Variants in RASSF3 observed in about 807,000 individuals in gnomAD.
RASSF3 encodes the protein ras association domain-containing protein 3.
Under a neutral mutation model 19.9 loss-of-function variants are expected in RASSF3, and 19 were observed. The observed-to-expected ratio is 0.96, with a 90% CI of 0.67 to 1.40. RASSF3 has a LOEUF of 1.40. RASSF3 is among the 40% of genes most tolerant of loss of function. The pLI is 0.00. For missense variants in RASSF3, 306 were observed against 289.8 expected (o/e 1.06, Z -0.41); for synonymous variants, 110 against 104.2 (o/e 1.06, Z -0.34).
At chr12:64,513,052 G>T (rs1240142529) in intron 1 of RASSF3, among the ~76,000 whole-genome samples, 1 of 152,084 alleles carries the variant, frequency 6.6e-6, no homozygotes, top group Admixed American at 6.6e-5. Flanking sequence ...CTCTCCCGAA[G>T]CAAATTATTC....
intron 2 of RASSF3, among the ~76,000 whole-genome samples, chr12:64,566,211 C>A (rs927136328): frequency 2.6e-5 from 4 of 152,106 alleles, no homozygotes; most frequent in African/African-American, 9.6e-5. Flanking sequence ...AAAAAAAAGT[C>A]TTGCTGACAG....
intron 2 of RASSF3, among the ~76,000 whole-genome samples, chr12:64,601,740 G>A (rs997242644): frequency 6.6e-6 from 1 of 152,096 alleles, no homozygotes; most frequent in Admixed American, 6.6e-5. Flanking sequence ...TTGACCCTGG[G>A]AGGGGGAGGC....
chr12:64,639,513 T>C (rs888991814), intron 1 of RASSF3, among the ~76,000 whole-genome samples: 1 of 152,172 alleles, frequency 6.6e-6, no homozygotes, highest in African/African-American at 2.4e-5. Context: ...TAAACCATCA[T>C]GTCTCAAAGT....
rs79892950 is a variant in RASSF3, at chr12:64,653,556, T to C, written c.112-31231T>C. Among the ~76,000 whole-genome samples the C allele has an allele frequency of 7.2e-5, 11 of 152,116 alleles. No individual in the cohort carries two copies. In the East Asian group the frequency reaches 1.9e-3, roughly 27 times the overall value. On this transcript the variant is annotated intron_variant, in intron 1 of 4. Transcript: ENST00000542104. ...TGATTTTTGGGAGGACACAAATCAATATTCAGCAGTATCTTTTTTTTTTTT... is the reference window on the plus strand; with the variant it reads ...TGATTTTTGGGAGGACACAAATCAACATTCAGCAGTATCTTTTTTTTTTTT...
chr12:64,526,254 C>T (rs572162829), intron 1 of RASSF3, among the ~76,000 whole-genome samples: 14 of 152,174 alleles, frequency 9.2e-5, no homozygotes, highest in East Asian at 5.8e-4. Context: ...GTACTTATTG[C>T]GGAATGGTTA....
intron 2 of RASSF3, among the ~76,000 whole-genome samples, chr12:64,562,555 C>G (rs1039066979): frequency 6.6e-6 from 1 of 152,102 alleles, no homozygotes; most frequent in African/African-American, 2.4e-5. Flanking sequence ...AAATGATGCT[C>G]CTCTGCAGCT....
chr12:64,532,295 T>C (rs1868728134), upstream of RASSF3, among the ~76,000 whole-genome samples: 1 of 152,180 alleles, frequency 6.6e-6, no homozygotes, highest in African/African-American at 2.4e-5. Flanking sequence ...ACTATTATTA[T>C]AGTGGGCCTT....
intron 1 of RASSF3, among the ~76,000 whole-genome samples, chr12:64,519,729 G>A (rs1369524840): frequency 1.3e-5 from 2 of 151,822 alleles, no homozygotes; most frequent in Non-Finnish European, 1.5e-5. Flanking sequence ...TTATGACTAT[G>A]CTTAAAAGAT....
chr12:64,662,658 G>A (rs567565593), intron 1 of RASSF3, among the ~76,000 whole-genome samples: 1 of 152,326 alleles, frequency 6.6e-6, no homozygotes, highest in African/African-American at 2.4e-5. Context: ...CATGGTCTCT[G>A]CGTGTGTATA....
rs535326919 is a variant in RASSF3, at chr12:64,582,737, T to A, written c.294+41032T>A. 2.6e-5 allele frequency among the ~76,000 whole-genome samples: 4 copies of A among 152,288 alleles called. No homozygotes were observed. In the South Asian group the frequency reaches 8.3e-4, roughly 32 times the overall value. On this transcript the variant is annotated intron_variant, in intron 2 of 5. Transcript: ENST00000637125. ...GAACAAGTACCCTGCGGTGTGCTTC[T>A]TAGAGGGAAGAATCAGACCTGGAGT...
chr12:64,655,447 T>A (rs760992440), intron 1 of RASSF3, among the ~76,000 whole-genome samples: 1 of 152,152 alleles, frequency 6.6e-6, no homozygotes, highest in South Asian at 2.1e-4. Flanking sequence ...AGCCCTCTCC[T>A]GAAATGCATA....
intron 1 of RASSF3, among the ~76,000 whole-genome samples, chr12:64,640,175 A>G (rs1476349144): frequency 6.6e-6 from 1 of 152,184 alleles, no homozygotes; most frequent in East Asian, 1.9e-4. Context: ...TATAATTGAT[A>G]TACCAGAAAC....
chr12:64,689,220 G>GGTGTGTGT (rs10688391), intron 3 of RASSF3, among the ~76,000 whole-genome samples: 3,003 of 147,300 alleles, frequency 0.02, 44 homozygotes, highest in Non-Finnish European at 0.029. Flanking sequence ...TTGAAATCGG[G>GGTGTGTGT]GTGTGTGTGT....
intron 1 of RASSF3, among the ~76,000 whole-genome samples, chr12:64,673,905 GC>G (rs1872787781): frequency 6.6e-6 from 1 of 151,672 alleles, no homozygotes; most frequent in South Asian, 2.1e-4. Flanking sequence ...TTGTTTTCTG[GC>G]TCCAAACAAA....
At chr12:64,563,392 T>A (rs1592401812) in intron 2 of RASSF3, among the ~76,000 whole-genome samples, 5 of 151,766 alleles carry the variant, frequency 3.3e-5, no homozygotes, top group Admixed American at 6.6e-5. Context: ...CTGGTCTCGA[T>A]CTCCTGACCT....
At chr12:64,623,063 C>T (rs960361168) in intron 1 of RASSF3, among the ~76,000 whole-genome samples, 6 of 151,980 alleles carry the variant, frequency 3.9e-5, no homozygotes, top group Non-Finnish European at 8.8e-5. Context: ...TCAGGTGATC[C>T]GCCTGCCTCG....
intron 1 of RASSF3, among the ~76,000 whole-genome samples, chr12:64,645,219 A>G (rs965758958): frequency 6.6e-6 from 1 of 152,252 alleles, no homozygotes; most frequent in Non-Finnish European, 1.5e-5. Flanking sequence ...ATTATTAAGT[A>G]ATGAATATGT....
intron 2 of RASSF3, among the ~76,000 whole-genome samples, chr12:64,595,125 T>TG (rs1463963995): frequency 7.3e-6 from 1 of 137,752 alleles, no homozygotes; most frequent in Non-Finnish European, 1.5e-5. Flanking sequence ...TGGGGTGCAG[T>TG]GGTGCAGTCT....
At chr12:64,583,013 A>G (rs1282573121) in intron 2 of RASSF3, among the ~76,000 whole-genome samples, 2 of 152,078 alleles carry the variant, frequency 1.3e-5, no homozygotes, top group African/African-American at 4.8e-5. Context: ...GGAAGTGCAT[A>G]TTTCAAAGAG....
Sources: gnomAD v4.1 joint callset for allele counts (sites outside exome capture counted in the v4.1 genomes callset) on GRCh38, gnomAD v4.1.1 for gene constraint, MANE v1.5 for transcripts, NCBI Gene and HGNC (gene_info 2026-07-23, HGNC 2026-07-21) for gene names.